The following DPP10 variants were observed in gnomAD, a reference collection of about 807,000 sequenced individuals.
DPP10 encodes dipeptidyl peptidase like 10, also known as inactive dipeptidyl peptidase 10.
DPP10 carries 33 observed loss-of-function variants against 120.9 expected under a neutral mutation model. The observed-to-expected ratio is 0.27, with a 90% CI of 0.21 to 0.37. DPP10 has a LOEUF of 0.37. Among genes scored for constraint, DPP10 ranks in the 10% least tolerant of loss-of-function variants. The pLI, the probability that DPP10 is intolerant of heterozygous loss-of-function variation, is 1.00. For missense variants in DPP10, 816 were observed against 942.8 expected, an observed-to-expected ratio of 0.87 and a Z score of 1.76; for synonymous variants, 337 against 326.1, an observed-to-expected ratio of 1.03 and a Z score of -0.36.
At chr2:115,538,080 G>T (rs11694627) in intron 5 of DPP10, among the ~76,000 whole-genome samples, 147,310 of 152,036 alleles carry the variant, frequency 0.97, 71,540 homozygotes, top group East Asian at 1. Context: ...ACTCTAGTGT[G>T]TGTCACACAG....
intron 1 of DPP10, among the ~76,000 whole-genome samples, chr2:114,702,248 G>T (rs903033392): frequency 6.6e-6 from 1 of 152,064 alleles, no homozygotes; most frequent in African/African-American, 2.4e-5. Flanking sequence ...ACTTCAACCA[G>T]GGGGGCATGG....
At position 114,599,815 on chromosome 2, in the gene DPP10, G is replaced by A. The variant is rs115626615; in HGVS notation, c.60+156977G>A. Reference sequence around the variant, plus strand: ...TATAGTCAGCTTTTATGTTTAGAGCGGGTATTCATATAGATTTAATTATTG... The same window carrying A: ...TATAGTCAGCTTTTATGTTTAGAGCAGGTATTCATATAGATTTAATTATTG... On this transcript the variant is annotated intron_variant, in intron 1 of 25. Transcript: ENST00000410059. Among the ~76,000 whole-genome samples the A allele has an allele frequency of 5.0e-3, 752 of 151,600 alleles. 7 individuals carry two copies. Among genetic ancestry groups the A allele is most frequent in the African/African-American group, 0.017 (710 of 41,434 alleles).
At chr2:114,749,248 G>T (rs1022720131) in intron 1 of DPP10, among the ~76,000 whole-genome samples, 1 of 151,090 alleles carries the variant, frequency 6.6e-6, no homozygotes, top group Non-Finnish European at 1.5e-5. Flanking sequence ...TTTTGATGGG[G>T]TTGTTTGTTT....
At chr2:115,286,538 T>TATATATATATAA (rs1559367007) in intron 1 of DPP10, among the ~76,000 whole-genome samples, 1 of 113,884 alleles carries the variant, frequency 8.8e-6, no homozygotes, top group African/African-American at 3.4e-5. Flanking sequence ...TATATATATA[T>TATATATATATAA]ATAAAATATA....
intron 13 of DPP10, among the ~76,000 whole-genome samples, chr2:115,771,560 T>C (rs1054216015): frequency 2.6e-5 from 4 of 152,162 alleles, no homozygotes; most frequent in Admixed American, 2.6e-4. Flanking sequence ...TTTGTTTAGG[T>C]TTTGATGTGT....
At chr2:115,063,553 T>G (rs945543120) in intron 1 of DPP10, among the ~76,000 whole-genome samples, 1 of 152,174 alleles carries the variant, frequency 6.6e-6, no homozygotes, top group East Asian at 1.9e-4. Context: ...AGCTTAGTAC[T>G]GGTACAAAAA....
intron 1 of DPP10, among the ~76,000 whole-genome samples, chr2:114,671,195 A>G (rs1698315625): frequency 6.6e-6 from 1 of 152,182 alleles, no homozygotes; most frequent in African/African-American, 2.4e-5. Context: ...AAAAGATGAG[A>G]AAGTTGAAAA....
intron 1 of DPP10, among the ~76,000 whole-genome samples, chr2:115,245,585 C>A (rs566595386): frequency 1.4e-4 from 21 of 152,182 alleles, no homozygotes; most frequent in African/African-American, 4.8e-4. Context: ...CCCTAAAAAA[C>A]CAGAAGTAGA....
intron 5 of DPP10, among the ~76,000 whole-genome samples, chr2:115,660,246 C>T (rs946628957): frequency 6.6e-6 from 1 of 152,096 alleles, no homozygotes; most frequent in Non-Finnish European, 1.5e-5. Context: ...ATTGTTGCTC[C>T]TTTTTTTCCC....
intron 1 of DPP10, among the ~76,000 whole-genome samples, chr2:114,855,300 CA>C (rs1689285319): frequency 2.0e-5 from 3 of 152,118 alleles, no homozygotes; most frequent in African/African-American, 7.2e-5. Flanking sequence ...ATATATTATC[CA>C]AATTAAAATG....
Position 115,786,262 on chromosome 2 carries a change from C to T in DPP10, c.1531+3863C>T, listed in dbSNP as rs141178160. On this transcript the variant is annotated intron_variant, in intron 17 of 25. Coordinates refer to ENST00000410059, the MANE Select transcript of DPP10 (RefSeq NM_020868.6). The stretch of plus-strand genomic sequence containing the variant: ...GAATGTGTGTATACAAACATAAGAA[C>T]GCATAAAAGTGTTCACATTTGCAAG... Among the ~76,000 whole-genome samples the T allele has an allele frequency of 2.0e-3, 307 of 152,176 alleles. 3 individuals carry two copies. In the East Asian group the frequency reaches 0.025, roughly 12 times the overall value.
intron 5 of DPP10, among the ~76,000 whole-genome samples, chr2:115,540,553 A>G (rs1481384414): frequency 6.6e-6 from 1 of 151,882 alleles, no homozygotes; most frequent in Admixed American, 6.6e-5. Context: ...GCTGAGGAAA[A>G]GCTAGTGGTA....
At chr2:114,655,037 T>C (rs1696870356) in intron 1 of DPP10, among the ~76,000 whole-genome samples, 1 of 152,180 alleles carries the variant, frequency 6.6e-6, no homozygotes, top group Non-Finnish European at 1.5e-5. Flanking sequence ...TAGTTAATAT[T>C]CCTGTAACTT....
At position 115,511,444 on chromosome 2, in the gene DPP10, G is replaced by C. The variant is rs562380863; in HGVS notation, c.366+11840G>C. Among the ~76,000 whole-genome samples the C allele has an allele frequency of 3.0e-3, 452 of 151,928 alleles. 1 individual carries two copies. The highest frequency in any genetic ancestry group is 5.5e-3 in the Non-Finnish European group (375 of 67,966). ...CTTTCATGCCTGATTTTAGTAATTT[G>C]AATCTTGTTATTTTTTCTCATCCAT... On this transcript the variant is annotated intron_variant, in intron 4 of 25. Coordinates refer to ENST00000410059, the MANE Select transcript of DPP10 (RefSeq NM_020868.6).
At chr2:115,232,744 C>A (rs557505583) in intron 1 of DPP10, among the ~76,000 whole-genome samples, 4 of 152,148 alleles carry the variant, frequency 2.6e-5, no homozygotes, top group African/African-American at 9.7e-5. Flanking sequence ...AATGAATACA[C>A]TTATTTTGAA....
At chr2:115,034,326 C>A (rs919223026) in intron 1 of DPP10, among the ~76,000 whole-genome samples, 4 of 152,058 alleles carry the variant, frequency 2.6e-5, no homozygotes, top group Non-Finnish European at 5.9e-5. Flanking sequence ...AGATTTCTGA[C>A]CTTTTTTCTC....
chr2:114,885,282 C>A (rs1455031435), intron 1 of DPP10, among the ~76,000 whole-genome samples: 1 of 152,016 alleles, frequency 6.6e-6, no homozygotes, highest in African/African-American at 2.4e-5. Flanking sequence ...AGTGTGGAGG[C>A]GCAGGTGCCG....
At chr2:115,264,677 A>G (rs1347442252) in intron 1 of DPP10, among the ~76,000 whole-genome samples, 1 of 152,246 alleles carries the variant, frequency 6.6e-6, no homozygotes, top group Non-Finnish European at 1.5e-5. Flanking sequence ...GATATTTCAC[A>G]TAACAAATTC....
intron 5 of DPP10, among the ~76,000 whole-genome samples, chr2:115,671,440 T>A (rs1575488096): frequency 6.6e-6 from 1 of 152,044 alleles, no homozygotes; most frequent in African/African-American, 2.4e-5. Flanking sequence ...ATTCAAAGTT[T>A]TCATTCAAAG....
Sources: gnomAD v4.1 joint callset for allele counts (sites outside exome capture counted in the v4.1 genomes callset) on GRCh38, gnomAD v4.1.1 for gene constraint, MANE v1.5 for transcripts, NCBI Gene and HGNC (gene_info 2026-07-23, HGNC 2026-07-21) for gene names.